Variants in GDI2 observed in about 807,000 individuals in gnomAD.
GDI2 encodes the protein GDP dissociation inhibitor 2, also known as rab GDP dissociation inhibitor beta.
In GDI2, 22 loss-of-function variants were observed where a neutral mutation model predicts 54.2. The observed-to-expected ratio is 0.41, with a 90% CI of 0.29 to 0.58. The LOEUF (loss-of-function observed/expected upper bound fraction) is 0.58. GDI2 is among the 20% of genes least tolerant of loss of function. GDI2 has a pLI of 0.35. For synonymous variants in GDI2, 177 were observed against 182.1 expected (o/e 0.97, Z 0.23); for missense variants, 422 against 546.0 (o/e 0.77, Z 2.26).
In GDI2 at chr10:5,765,790, T is replaced by G; in HGVS notation, c.*216A>C. 1 of 457,962 alleles carries G rather than the reference T, an allele frequency of 2.2e-6. No individual in the cohort carries two copies. Among genetic ancestry groups the G allele is most frequent in the Non-Finnish European group, 3.8e-6 (1 of 264,298 alleles). The allele number at this position is 457,962 out of a possible 1,614,324, so 28.4% of individuals were successfully genotyped here. A position where few individuals can be genotyped will look rare whatever the true frequency, so the allele number is the denominator to read the frequency against. On this transcript the variant is annotated 3_prime_UTR_variant, in exon 11 of 11. Transcript: ENST00000380191. ...CTAGAAAAAAAAAAAGCCAGTTTGG[T>G]TAAATTGAACAGAATGTGGTAACTG...
At chr10:5,808,349 C>T (rs1237378159) in intron 1 of GDI2, among the ~76,000 whole-genome samples, 1 of 150,486 alleles carries the variant, frequency 6.6e-6, no homozygotes, top group African/African-American at 2.4e-5. Flanking sequence ...AAAAAATCCT[C>T]TACACCCTAT....
chr10:5,813,026 C>T lies in GDI2; in HGVS notation c.45+188G>A, dbSNP rs182473763. On this transcript the variant is annotated intron_variant, in intron 1 of 10. Transcript: ENST00000380191. ...CCCGCCTGCCCCTCACACTGGGAGC[C>T]GCCCGCTCGCCCCGGGACGCGGGGC... Among the ~76,000 whole-genome samples the T allele has an allele frequency of 9.7e-3, 1,471 of 152,270 alleles. 44 individuals carry two copies. The highest frequency in any genetic ancestry group is 0.072 in the Admixed American group (1,095 of 15,304).
rs758278405 is a variant in GDI2 at position 5,794,856 on chromosome 10, T to C, written c.388+29A>G. The stretch of plus-strand genomic sequence containing the variant: ...TCTCATTATTCTGAGAAAATAAAAC[T>C]AGTTACTAGAGAAAATAAAACTACT... On this transcript the variant is annotated intron_variant, in intron 4 of 10. Coordinates refer to ENST00000380191, the MANE Select transcript of GDI2 (RefSeq NM_001494.4). The C allele has an allele frequency of 1.4e-5, 20 of 1,463,140 alleles. No individual in the cohort carries two copies. In the East Asian group the frequency reaches 4.3e-4, roughly 31 times the overall value. The allele number at this position is 1,463,140 out of a possible 1,614,324, so 90.6% of individuals were successfully genotyped here.
At chr10:5,778,285 A>G (rs1009982115) in intron 6 of GDI2, among the ~76,000 whole-genome samples, 2 of 152,244 alleles carry the variant, frequency 1.3e-5, no homozygotes, top group African/African-American at 4.8e-5. Context: ...ATAATTTAAA[A>G]AAAAGTATAA....
At chr10:5,792,628 A>G (rs1841042288) in intron 4 of GDI2, among the ~76,000 whole-genome samples, 1 of 152,014 alleles carries the variant, frequency 6.6e-6, no homozygotes, top group African/African-American at 2.4e-5. Context: ...TCTACTGTAC[A>G]TAAATTATAC....
chr10:5,772,626 ATG>A (rs1840515900), intron 7 of GDI2, among the ~76,000 whole-genome samples: 1 of 152,084 alleles, frequency 6.6e-6, no homozygotes, highest in Admixed American at 6.6e-5. Context: ...GCATGGTGGC[ATG>A]CATCTGTAAT....
At chr10:5,810,602 G>A (rs1480026054) in intron 1 of GDI2, among the ~76,000 whole-genome samples, 1 of 152,180 alleles carries the variant, frequency 6.6e-6, no homozygotes, top group Non-Finnish European at 1.5e-5. Context: ...GCTTCACCAT[G>A]TTACAGCATA....
At position 5,813,308 on chromosome 10, in the gene GDI2, C is replaced by T. The variant is rs775546547; in HGVS notation, c.-50G>A. 2.9e-6 allele frequency: 4 copies of T among 1,372,078 alleles called. No homozygotes were observed. Among genetic ancestry groups the T allele is most frequent in the African/African-American group, 1.4e-5 (1 of 69,236 alleles). 85.0% of individuals were successfully genotyped at this position (1,372,078 alleles called of 1,614,324 possible). On this transcript the variant is annotated 5_prime_UTR_variant, in exon 1 of 11. Coordinates refer to ENST00000380191, the MANE Select transcript of GDI2 (RefSeq NM_001494.4). ...CCCGAGCAAGGAAAAGGCGCAGGGG[C>T]TCCGTGACCACCCTACGAGGCTGGG...
chr10:5,804,086 A>C (rs1261882539), intron 1 of GDI2, among the ~76,000 whole-genome samples: 1 of 123,304 alleles, frequency 8.1e-6, no homozygotes, highest in African/African-American at 2.8e-5. Flanking sequence ...AGGAGTGTGA[A>C]TCATTCTTTC....
At chr10:5,781,858 C>T (rs1840764567) in intron 6 of GDI2, among the ~76,000 whole-genome samples, 1 of 150,682 alleles carries the variant, frequency 6.6e-6, no homozygotes, top group African/African-American at 2.4e-5. Context: ...ACCCAAAATA[C>T]AAAAATTAGC....
chr10:5,809,266 C>A (rs1180214378), intron 1 of GDI2, among the ~76,000 whole-genome samples: 1 of 101,318 alleles, frequency 9.9e-6, no homozygotes, highest in African/African-American at 3.2e-5. Flanking sequence ...AAAAAAAAAA[C>A]TGTCAAAAGA....
Position 5,766,339 on chromosome 10 carries a change from T to C in GDI2, c.1137-44A>G. ...CAGTCAGGTGAGCTGGTCCCACACC[T>C]GACCATGGCTCTGCCTGAGGTCAAC... is the stretch of plus-strand genomic sequence containing the variant. On this transcript the variant is annotated intron_variant, in intron 9 of 10. Transcript: ENST00000380191. The surrounding 1 kb of genome is among the most constrained non-coding windows in gnomAD (Gnocchi z 5.8). The C allele has an allele frequency of 6.5e-7, 1 of 1,544,796 alleles. No individual in the cohort carries two copies. Among genetic ancestry groups the C allele is most frequent in the African/African-American group, 1.4e-5 (1 of 73,662 alleles).
intron 1 of GDI2, among the ~76,000 whole-genome samples, chr10:5,810,042 G>A (rs1841455650): frequency 6.6e-6 from 1 of 152,176 alleles, no homozygotes; most frequent in Non-Finnish European, 1.5e-5. Context: ...CTATAAGCAA[G>A]AACTCTCAAA....
chr10:5,787,063 C>T (rs1588976920), intron 4 of GDI2, among the ~76,000 whole-genome samples: 1 of 102,504 alleles, frequency 9.8e-6, no homozygotes, highest in South Asian at 2.9e-4. Flanking sequence ...TCCCTTCTCC[C>T]CCCATTCCTA....
intron 1 of GDI2, among the ~76,000 whole-genome samples, chr10:5,803,817 G>T (rs1188789992): frequency 6.6e-6 from 1 of 152,020 alleles, no homozygotes; most frequent in Non-Finnish European, 1.5e-5. Context: ...ACTCAAAAAG[G>T]GTTTGAGTGA....
intron 2 of GDI2, among the ~76,000 whole-genome samples, chr10:5,799,373 C>T (rs771581608): frequency 2.0e-5 from 3 of 152,080 alleles, no homozygotes; most frequent in Non-Finnish European, 2.9e-5. Flanking sequence ...ATAAAGCGCT[C>T]GGGCGTGGTG....
chr10:5,803,483 GTTTA>G (rs1397439287), intron 1 of GDI2, among the ~76,000 whole-genome samples: 1 of 152,018 alleles, frequency 6.6e-6, no homozygotes, highest in African/African-American at 2.4e-5. Flanking sequence ...CATGTAATCG[GTTTA>G]TTATTTGTCA....
chr10:5,811,281 A>C (rs908350503), intron 1 of GDI2, among the ~76,000 whole-genome samples: 1 of 152,236 alleles, frequency 6.6e-6, no homozygotes, highest in Non-Finnish European at 1.5e-5. Context: ...AAGTTATCAC[A>C]GCTACAAAAT....
At chr10:5,794,644 C>A (rs1222282624) in intron 4 of GDI2, among the ~76,000 whole-genome samples, 2 of 152,258 alleles carry the variant, frequency 1.3e-5, no homozygotes, top group South Asian at 4.1e-4. Flanking sequence ...AAGCTCAGAT[C>A]CACCAGCCAC....
Sources: allele counts gnomAD v4.1 joint callset (sites outside exome capture counted in the v4.1 genomes callset), GRCh38; gene constraint gnomAD v4.1.1; non-coding constraint Gnocchi (gnomAD v3.1); transcripts MANE v1.5; gene names NCBI Gene and HGNC (gene_info 2026-07-23, HGNC 2026-07-21).